The following RBM20 variants were observed in gnomAD, a reference collection of about 807,000 sequenced individuals.
RBM20 encodes the protein RNA-binding protein 20.
RBM20 carries 51 observed loss-of-function variants against 110.1 expected under a neutral mutation model. The ratio of observed to expected loss-of-function variants is 0.46; its 90% CI spans 0.37 to 0.59. The LOEUF is 0.59. RBM20 is among the 20% of genes least tolerant of loss of function. The pLI is 0.00. For missense variants in RBM20, 1,512 were observed against 1,574.9 expected (o/e 0.96, Z 0.68); for synonymous variants, 589 against 618.2 (o/e 0.95, Z 0.70).
At chr10:110,688,620 TA>T (rs900795918) in intron 1 of RBM20, among the ~76,000 whole-genome samples, 1 of 151,130 alleles carries the variant, frequency 6.6e-6, no homozygotes, top group Admixed American at 6.6e-5. Context: ...ATCCTGCATT[TA>T]AAAAAAAAGC....
At chr10:110,662,777 G>A (rs1184689093) in intron 1 of RBM20, among the ~76,000 whole-genome samples, 1 of 152,156 alleles carries the variant, frequency 6.6e-6, no homozygotes, top group African/African-American at 2.4e-5. Flanking sequence ...CCATCACCAG[G>A]GAATGGGTTG....
At chr10:110,730,796 T>C (rs1245820607) in intron 1 of RBM20, among the ~76,000 whole-genome samples, 1 of 152,200 alleles carries the variant, frequency 6.6e-6, no homozygotes, top group South Asian at 2.1e-4. Flanking sequence ...ATTAAATAAC[T>C]GCAAGAGCAA....
chr10:110,644,055 G>A (rs1230954419), upstream of RBM20, among the ~76,000 whole-genome samples: 1 of 152,186 alleles, frequency 6.6e-6, no homozygotes, highest in African/African-American at 2.4e-5. The surrounding 1 kb of genome is among the most constrained non-coding windows in gnomAD (Gnocchi z 4.3). Context: ...TTCCTCACGC[G>A]GTATGCTGCG....
intron 1 of RBM20, among the ~76,000 whole-genome samples, chr10:110,661,439 C>T (rs1190601257): frequency 6.6e-6 from 1 of 152,164 alleles, no homozygotes; most frequent in Non-Finnish European, 1.5e-5. Context: ...CAGGCCTGGG[C>T]TCAGTCCCTA....
chr10:110,701,600 G>T (rs78380123), intron 1 of RBM20, among the ~76,000 whole-genome samples: 1 of 152,046 alleles, frequency 6.6e-6, no homozygotes, highest in African/African-American at 2.4e-5. Context: ...AAATAATTTC[G>T]GTTTGTACAT....
intron 1 of RBM20, among the ~76,000 whole-genome samples, chr10:110,755,394 G>GT (rs1230427175): frequency 6.6e-6 from 1 of 152,168 alleles, no homozygotes; most frequent in Non-Finnish European, 1.5e-5. Flanking sequence ...GCCTGGTAGG[G>GT]ATGTGCTATC....
chr10:110,734,481 G>A (rs1843649893), intron 1 of RBM20, among the ~76,000 whole-genome samples: 1 of 152,116 alleles, frequency 6.6e-6, no homozygotes, highest in Non-Finnish European at 1.5e-5. Context: ...GATTCCCTCT[G>A]CTCAATATGG....
chr10:110,764,879 GTTTA>G (rs1226018277), intron 1 of RBM20, among the ~76,000 whole-genome samples: 2 of 152,232 alleles, frequency 1.3e-5, no homozygotes, highest in African/African-American at 2.4e-5. Context: ...AGAAATCGAG[GTTTA>G]TTTGTTTCTT....
At chr10:110,707,909 T>C (rs1454342565) in intron 1 of RBM20, among the ~76,000 whole-genome samples, 1 of 152,200 alleles carries the variant, frequency 6.6e-6, no homozygotes, top group Non-Finnish European at 1.5e-5. Context: ...AATTGTAATG[T>C]TCCTAACACA....
chr10:110,659,525 G>A (rs1862070940), intron 1 of RBM20, among the ~76,000 whole-genome samples: 1 of 152,186 alleles, frequency 6.6e-6, no homozygotes, highest in Non-Finnish European at 1.5e-5. Context: ...GCCAGATTGT[G>A]TGCAGGCAAT....
At chr10:110,748,113 C>CT (rs1271620845) in intron 1 of RBM20, among the ~76,000 whole-genome samples, 10 of 151,390 alleles carry the variant, frequency 6.6e-5, no homozygotes, top group Admixed American at 4.6e-4. Flanking sequence ...GTAGTGTTAA[C>CT]TTTTTTTTTC....
intron 1 of RBM20, among the ~76,000 whole-genome samples, chr10:110,752,939 A>ATTTTT (rs746929801): frequency 3.2e-5 from 3 of 93,824 alleles, no homozygotes; most frequent in Non-Finnish European, 6.5e-5. Context: ...ATATATATAT[A>ATTTTT]TATATATTTT....
chr10:110,763,151 A>G (rs553433378), intron 1 of RBM20, among the ~76,000 whole-genome samples: 1 of 152,318 alleles, frequency 6.6e-6, no homozygotes, highest in South Asian at 2.1e-4. Flanking sequence ...CCCATGGAAG[A>G]GCCTCTGGTG....
At chr10:110,649,206 T>C (rs1861912148) in intron 1 of RBM20, among the ~76,000 whole-genome samples, 1 of 152,042 alleles carries the variant, frequency 6.6e-6, no homozygotes, top group Non-Finnish European at 1.5e-5. Flanking sequence ...GATTCCACAT[T>C]ATCCAGTTTC....
intron 1 of RBM20, among the ~76,000 whole-genome samples, chr10:110,656,466 ATGTG>A (rs35325396): frequency 1.2e-3 from 182 of 147,952 alleles, no homozygotes; most frequent in African/African-American, 3.7e-3. Context: ...GTATGTACTC[ATGTG>A]TGTGTGTGTG....
At chr10:110,734,466 G>T (rs1391395722) in intron 1 of RBM20, among the ~76,000 whole-genome samples, 2 of 152,154 alleles carry the variant, frequency 1.3e-5, no homozygotes, top group African/African-American at 4.8e-5. Context: ...GGTGTCACTG[G>T]AAATGATTCC....
intron 8 of RBM20, 96 bp from the exon 9 acceptor site, chr10:110,812,182 A>G: frequency 9.1e-7 from 1 of 1,098,366 alleles, no homozygotes; most frequent in South Asian, 1.6e-5. Flanking sequence ...AGTTACATGC[A>G]CAGTATATCT....
rs2134966218 is a variant in RBM20, at chr10:110,739,865, G to A, written c.192-40936G>A. Among the ~76,000 whole-genome samples the A allele has an allele frequency of 6.6e-6, 1 of 152,336 alleles. No homozygotes were observed. The highest frequency in any genetic ancestry group is 1.9e-4 in the East Asian group (1 of 5,190). On this transcript the variant is annotated intron_variant, in intron 1 of 13. Transcript: ENST00000369519. The surrounding 1 kb of genome is among the most constrained non-coding windows in gnomAD (Gnocchi z 4.1). ...CTGTGCGACCTGGGTGACTAACACAGCCCACAAGCAGTGAGGAAGCCACTC... is the reference window on the plus strand; with the variant it reads ...CTGTGCGACCTGGGTGACTAACACAACCCACAAGCAGTGAGGAAGCCACTC...
intron 1 of RBM20, among the ~76,000 whole-genome samples, chr10:110,698,583 C>A (rs769890842): frequency 5.9e-5 from 9 of 152,210 alleles, no homozygotes; most frequent in Non-Finnish European, 1.3e-4. Flanking sequence ...CCTCTTACAG[C>A]CTGACAGAGT....
Sources: gnomAD v4.1 joint callset for allele counts (sites outside exome capture counted in the v4.1 genomes callset) on GRCh38, gnomAD v4.1.1 for gene constraint, Gnocchi (gnomAD v3.1) non-coding constraint, MANE v1.5 for transcripts, NCBI Gene and HGNC (gene_info 2026-07-23, HGNC 2026-07-21) for gene names.